The following AMPH variants were observed in gnomAD, a reference collection of about 807,000 sequenced individuals.
AMPH encodes amphiphysin (Stiff-Mann syndrome with breast cancer 128kD autoantigen).
Under a neutral mutation model 99.1 loss-of-function variants are expected in AMPH, and 49 were observed. The observed-to-expected ratio is 0.49, with a 90% CI of 0.39 to 0.63. The LOEUF is 0.63. Ranked by LOEUF, AMPH falls within the 20% of genes least tolerant of loss-of-function variation. The pLI is 0.00. For missense variants in AMPH, 759 were observed against 863.4 expected (o/e 0.88, Z 1.52); for synonymous variants, 314 against 317.3 (o/e 0.99, Z 0.11).
At chr7:38,414,991 T>G (rs2128986010) in intron 17 of AMPH, among the ~76,000 whole-genome samples, 1 of 152,270 alleles carries the variant, frequency 6.6e-6, no homozygotes, top group East Asian at 1.9e-4. Context: ...TAACAAATAT[T>G]TTCATTATTT....
intron 6 of AMPH, among the ~76,000 whole-genome samples, chr7:38,476,619 C>T (rs552131214): frequency 1.3e-5 from 2 of 152,226 alleles, no homozygotes; most frequent in South Asian, 2.1e-4. Context: ...TCTTTGATCC[C>T]GCAACATTGT....
intron 1 of AMPH, among the ~76,000 whole-genome samples, chr7:38,622,383 C>CT (rs1457559782): frequency 6.6e-6 from 1 of 151,764 alleles, no homozygotes; most frequent in Non-Finnish European, 1.5e-5. Flanking sequence ...ACAATATTTC[C>CT]TGTTTGAAAT....
At chr7:38,460,933 C>T (rs1787413891) in intron 11 of AMPH, among the ~76,000 whole-genome samples, 1 of 152,152 alleles carries the variant, frequency 6.6e-6, no homozygotes, top group South Asian at 2.1e-4. Flanking sequence ...CTCGATCATT[C>T]CACATCCTAT....
intron 1 of AMPH, among the ~76,000 whole-genome samples, chr7:38,618,625 T>A (rs1793954916): frequency 6.6e-6 from 1 of 152,082 alleles, no homozygotes. Context: ...AAAATGGAGC[T>A]ACACAGGAGA....
At chr7:38,448,788 C>T (rs898847142) in intron 11 of AMPH, among the ~76,000 whole-genome samples, 4 of 152,202 alleles carry the variant, frequency 2.6e-5, no homozygotes, top group African/African-American at 2.4e-5. Context: ...GCTTTATGTG[C>T]ATACCTATAT....
chr7:38,391,262 T>A (rs1335027472), intron 19 of AMPH, among the ~76,000 whole-genome samples: 2 of 152,226 alleles, frequency 1.3e-5, no homozygotes, highest in Non-Finnish European at 2.9e-5. Context: ...CTTTTTTTTC[T>A]GCCTTTTGGT....
chr7:38,473,338 T>A (rs1221391251), intron 7 of AMPH, among the ~76,000 whole-genome samples: 1 of 152,172 alleles, frequency 6.6e-6, no homozygotes, highest in Non-Finnish European at 1.5e-5. Flanking sequence ...AACTACTAGT[T>A]GAGATGATGA....
intron 14 of AMPH, 26 bp downstream of exon 14, chr7:38,429,816 C>G (rs1435774330): frequency 1.3e-6 from 2 of 1,598,994 alleles, no homozygotes; most frequent in South Asian, 1.1e-5. Context: ...CCAAAAAAAT[C>G]CAGAATGATC....
intron 1 of AMPH, among the ~76,000 whole-genome samples, chr7:38,567,889 G>C (rs1434999949): frequency 1.3e-5 from 2 of 152,038 alleles, no homozygotes. Flanking sequence ...AATTTTGATA[G>C]CACTTAAAAT....
At chr7:38,551,205 G>A (rs1333001601) in intron 1 of AMPH, among the ~76,000 whole-genome samples, 2 of 152,060 alleles carry the variant, frequency 1.3e-5, no homozygotes, top group Non-Finnish European at 2.9e-5. Context: ...TTCCTACGAT[G>A]ACTTTTTACA....
rs769361183 is a variant in AMPH at position 38,427,006 on chromosome 7, A to C, written c.1183-20T>G. ...AGAAGCCTAAACAGAAACGAAAATC[A>C]GATTGTGTTATTATTTTTCATTATC... On this transcript the variant is annotated intron_variant, in intron 14 of 20. Coordinates refer to ENST00000356264, the MANE Select transcript of AMPH (RefSeq NM_001635.4). The C allele has an allele frequency of 1.0e-5, 16 of 1,607,108 alleles. No individual in the cohort carries two copies. Among genetic ancestry groups the C allele is most frequent in the East Asian group, 2.2e-5 (1 of 44,796 alleles).
intron 2 of AMPH, among the ~76,000 whole-genome samples, chr7:38,511,621 TA>T (rs1433127476): frequency 6.6e-6 from 1 of 152,214 alleles, no homozygotes; most frequent in Non-Finnish European, 1.5e-5. Flanking sequence ...TGAAAATTTT[TA>T]TGACAGATAC....
chr7:38,587,311 A>G lies in AMPH; in HGVS notation c.69+43972T>C, dbSNP rs569515852. 1.4e-4 allele frequency among the ~76,000 whole-genome samples: 21 copies of G among 152,316 alleles called. No homozygotes were observed. The South Asian group carries it at 3.7e-3, about 27-fold the overall frequency. On this transcript the variant is annotated intron_variant, in intron 1 of 20. Coordinates refer to ENST00000356264, the MANE Select transcript of AMPH (RefSeq NM_001635.4). ...GGGCAGGTGGGTCAGGAGGTTTCAA[A>G]GCTGTGACTATTTAGTGCCAGCAAA...
intron 1 of AMPH, among the ~76,000 whole-genome samples, chr7:38,564,453 A>G (rs1031938328): frequency 3.3e-5 from 5 of 152,214 alleles, no homozygotes; most frequent in Admixed American, 3.3e-4. Context: ...GTGGTGAGGT[A>G]AGAGGAACAG....
chr7:38,577,218 A>T (rs553252235), intron 1 of AMPH, among the ~76,000 whole-genome samples: 2 of 152,336 alleles, frequency 1.3e-5, no homozygotes, highest in South Asian at 2.1e-4. Context: ...AAATAACAAG[A>T]GAAGCATGTG....
At chr7:38,556,697 ATTAT>A (rs1399731210) in intron 1 of AMPH, among the ~76,000 whole-genome samples, 7 of 152,150 alleles carry the variant, frequency 4.6e-5, no homozygotes, top group African/African-American at 1.7e-4. Flanking sequence ...ATGTCACTAC[ATTAT>A]TTATGTAGTT....
rs1359021071 is a variant in AMPH at position 38,610,357 on chromosome 7, AGAAAAGAAAAGAAAAGAAAGGAAAG to A, written c.69+20901_69+20925del. ...AAAAAAGAAAAGAAAAGAAAAGAAA[AGAAAAGAAAAGAAAAGAAAGGAAAG>A]GAAAAGAAAAGAAAAGAAAAGAAAA... On this transcript the variant is annotated intron_variant, in intron 1 of 20. Transcript: ENST00000356264. 9.5e-3 allele frequency among the ~76,000 whole-genome samples: 440 copies of A among 46,460 alleles called. 126 individuals are homozygous for A. Among genetic ancestry groups the A allele is most frequent in the Non-Finnish European group, 0.013 (276 of 21,326 alleles). The allele number at this position is 46,460 out of a possible 152,430, so 30.5% of individuals were successfully genotyped here. A position where few individuals can be genotyped will look rare whatever the true frequency, so the allele number is the denominator to read the frequency against.
At chr7:38,602,517 C>A (rs1239566978) in intron 1 of AMPH, among the ~76,000 whole-genome samples, 1 of 152,196 alleles carries the variant, frequency 6.6e-6, no homozygotes, top group Non-Finnish European at 1.5e-5. Context: ...CTGCATCACT[C>A]TGACCTCTGC....
rs533888690 is a variant in AMPH at position 38,521,914 on chromosome 7, T to C, written c.150+13017A>G. On this transcript the variant is annotated intron_variant, in intron 2 of 20. Coordinates refer to ENST00000356264, the MANE Select transcript of AMPH (RefSeq NM_001635.4). ...CTCTTTGCTGAAATGTCACCAGACA[T>C]TGAAAATTCTACTGAGATTTCCCTC... Among the ~76,000 whole-genome samples the C allele has an allele frequency of 2.0e-5, 3 of 152,308 alleles. No individual in the cohort carries two copies. In the East Asian group the frequency reaches 5.8e-4, roughly 29 times the overall value.
Sources: gnomAD v4.1 joint callset for allele counts (sites outside exome capture counted in the v4.1 genomes callset) on GRCh38, gnomAD v4.1.1 for gene constraint, MANE v1.5 for transcripts, NCBI Gene and HGNC (gene_info 2026-07-23, HGNC 2026-07-21) for gene names.